The following CD5 variants were observed in gnomAD, a reference collection of about 807,000 sequenced individuals.
The protein encoded by CD5 is T-cell surface glycoprotein CD5.
In CD5, 36 loss-of-function variants were observed where a neutral mutation model predicts 60.3. The observed-to-expected ratio is 0.60, with a 90% CI of 0.46 to 0.79. CD5 has a LOEUF of 0.79. CD5 is among the 30% of genes least tolerant of loss of function. The pLI is 0.00. For missense variants in CD5, 540 were observed against 630.6 expected, an observed-to-expected ratio of 0.86 and a Z score of 1.54; for synonymous variants, 230 against 257.6, an observed-to-expected ratio of 0.89 and a Z score of 1.03.
At chr11:61,098,617 T>C (rs1210664381), upstream of CD5, among the ~76,000 whole-genome samples, 1 of 152,164 alleles carries the variant, frequency 6.6e-6, no homozygotes, top group Admixed American at 6.5e-5. Flanking sequence ...ATTCTAATTA[T>C]CAGTGCATGC....
upstream of CD5, among the ~76,000 whole-genome samples, chr11:61,100,304 G>A (rs1377656172): frequency 8.1e-6 from 1 of 123,308 alleles, no homozygotes; most frequent in Admixed American, 9.3e-5. Flanking sequence ...ACATCAACAT[G>A]GAGATCACAC....
At chr11:61,095,733 G>C in the CD5 span, among the ~76,000 whole-genome samples, 437 of 152,274 alleles carry the variant, frequency 2.9e-3, 3 homozygotes, top group African/African-American at 0.01. Context: ...TCTAAGGAAA[G>C]GGGCTCAAAA....
At chr11:61,110,085 C>T (rs1203689296) in intron 1 of CD5, among the ~76,000 whole-genome samples, 1 of 151,966 alleles carries the variant, frequency 6.6e-6, no homozygotes, top group Non-Finnish European at 1.5e-5. Context: ...GAACACAGAC[C>T]GCAGGGCTCA....
In CD5 at chr11:61,121,518, G is replaced by A. The variant is rs1339164385; in HGVS notation, c.806-93G>A. On this transcript the variant is annotated intron_variant, in intron 5 of 10. Transcript: ENST00000347785. Reference sequence around the variant, plus strand: ...CACACAGTGCCTTCCCCTAGCCAGGGCCCCGATTTGCCAGTGGCATGGGGC... The same window carrying A: ...CACACAGTGCCTTCCCCTAGCCAGGACCCCGATTTGCCAGTGGCATGGGGC... 14 of 1,110,686 alleles carry A rather than the reference G, an allele frequency of 1.3e-5. No individual in the cohort carries two copies. The Admixed American group carries it at 2.8e-4, about 22-fold the overall frequency. The allele number at this position is 1,110,686 out of a possible 1,614,324, so 68.8% of individuals were successfully genotyped here. A position where few individuals can be genotyped will look rare whatever the true frequency, so the allele number is the denominator to read the frequency against.
chr11:61,096,798 G>C, the CD5 span, among the ~76,000 whole-genome samples: 4 of 152,226 alleles, frequency 2.6e-5, no homozygotes, highest in Non-Finnish European at 5.9e-5. Flanking sequence ...AGTATGGACA[G>C]AGGATAATCC....
chr11:61,101,939 C>T (rs950854009), upstream of CD5, among the ~76,000 whole-genome samples: 1 of 152,048 alleles, frequency 6.6e-6, no homozygotes, highest in Non-Finnish European at 1.5e-5. Context: ...CACACACACA[C>T]ACACACACAC....
intron 5 of CD5, among the ~76,000 whole-genome samples, chr11:61,121,299 A>C (rs1590774424): frequency 2.0e-5 from 3 of 152,134 alleles, no homozygotes; most frequent in Admixed American, 1.3e-4. Context: ...TCTTATCTCC[A>C]CCTGGCATGG....
chr11:61,101,750 TACACACACATCAACATGGAGTTCA>T (rs1860693681), upstream of CD5, among the ~76,000 whole-genome samples: 1 of 143,890 alleles, frequency 6.9e-6, no homozygotes, highest in Admixed American at 7.0e-5. Flanking sequence ...ACATGGAGAT[TACACACACATCAACATGGAGTTCA>T]CACACACATC....
upstream of CD5, among the ~76,000 whole-genome samples, chr11:61,097,808 A>C (rs1860604568): frequency 1.3e-5 from 2 of 152,208 alleles, no homozygotes; most frequent in African/African-American, 4.8e-5. Context: ...GCTTGTGGGG[A>C]TACCAGACCC....
chr11:61,123,296 G>T (rs1432806000), intron 7 of CD5, among the ~76,000 whole-genome samples: 1 of 152,132 alleles, frequency 6.6e-6, no homozygotes, highest in African/African-American at 2.4e-5. Flanking sequence ...GAGAAGGTGT[G>T]GCCATTCCCA....
chr11:61,093,989 T>A, the CD5 span, among the ~76,000 whole-genome samples: 6 of 152,164 alleles, frequency 3.9e-5, no homozygotes, highest in Non-Finnish European at 5.9e-5. Context: ...CCCGGCTGAA[T>A]AAACCCCTTC....
At chr11:61,100,238 TCA>T (rs527386423), upstream of CD5, among the ~76,000 whole-genome samples, 322 of 93,062 alleles carry the variant, frequency 3.5e-3, no homozygotes, top group African/African-American at 0.013. Context: ...AACATGGAGA[TCA>T]CACACACACA....
chr11:61,106,366 G>A (rs951392630), intron 1 of CD5, among the ~76,000 whole-genome samples: 2 of 152,136 alleles, frequency 1.3e-5, no homozygotes, highest in African/African-American at 4.8e-5. Context: ...GTCCCAGGCA[G>A]AGCGGATGGC....
intron 2 of CD5, among the ~76,000 whole-genome samples, chr11:61,116,599 CCACACACCACACACATACCACA>C (rs1565185090): frequency 2.1e-5 from 1 of 48,554 alleles, no homozygotes; most frequent in Admixed American, 2.1e-4. Context: ...ACACTACACA[CCACACACCACACACATACCACA>C]CACACACCAC....
At chr11:61,123,162 A>G in intron 7 of CD5, 130 bp downstream of exon 7, 1 of 1,076,458 alleles carries the variant, frequency 9.3e-7, no homozygotes, top group South Asian at 1.9e-5. Flanking sequence ...TTCACCACCC[A>G]GCCTTCCCCT....
chr11:61,112,853 C>T (rs1394451370), intron 1 of CD5, among the ~76,000 whole-genome samples: 2 of 152,214 alleles, frequency 1.3e-5, no homozygotes, highest in African/African-American at 4.8e-5. Context: ...AGTCTTGATT[C>T]GGGGACAAGG....
intron 6 of CD5, among the ~76,000 whole-genome samples, chr11:61,122,333 T>C (rs1043425610): frequency 7.2e-6 from 1 of 139,822 alleles, no homozygotes; most frequent in African/African-American, 2.7e-5. Flanking sequence ...GATGGATGGA[T>C]GGATGGATGG....
chr11:61,121,638 T>C lies in CD5; in HGVS notation c.833T>C (p.Leu278Pro). ...TTCCAGCCCAAGGTGCAGAGCCGTC[T>C]GGTGGGGGGCAGCAGCATCTGTGAA... is the stretch of plus-strand genomic sequence containing the variant. ...SGFQPKVQSR[L>P]VGGSSICEGT... The change falls in exon 6 of 11, where the codon CTG becomes CCG. Residue 278 changes from leucine to proline, a missense_variant. Leu to Pro is a moderately conservative substitution (Grantham distance 98). Coordinates refer to ENST00000347785, the MANE Select transcript of CD5 (RefSeq NM_014207.4). 1 of 1,532,372 alleles carries C rather than the reference T, an allele frequency of 6.5e-7. No individual in the cohort carries two copies. The allele number at this position is 1,532,372 out of a possible 1,614,324, so 94.9% of individuals were successfully genotyped here.
intron 1 of CD5, among the ~76,000 whole-genome samples, chr11:61,103,645 TTGGG>T (rs1565182016): frequency 4.7e-4 from 62 of 131,052 alleles, no homozygotes; most frequent in African/African-American, 2.1e-3. Flanking sequence ...GAGAACTGTG[TTGGG>T]GGGTAATGTG....
Sources: allele counts gnomAD v4.1 joint callset (sites outside exome capture counted in the v4.1 genomes callset), GRCh38; gene constraint gnomAD v4.1.1; transcripts MANE v1.5; gene names NCBI Gene and HGNC (gene_info 2026-07-23, HGNC 2026-07-21).